Variants in CHSY3 observed in about 807,000 individuals in gnomAD.
CHSY3 encodes the protein N-acetylgalactosaminyl-proteoglycan 3-beta-glucuronosyltransferase 3.
Under a neutral mutation model 67.2 loss-of-function variants are expected in CHSY3, and 35 were observed. The ratio of observed to expected loss-of-function variants is 0.52; its 90% CI spans 0.40 to 0.69. CHSY3 has a LOEUF of 0.69. Ranked by LOEUF, CHSY3 falls within the 30% of genes least tolerant of loss-of-function variation. CHSY3 has a pLI of 0.00. For missense variants in CHSY3, 1,069 were observed against 1,138.5 expected, an observed-to-expected ratio of 0.94 and a Z score of 0.88; for synonymous variants, 474 against 434.7, an observed-to-expected ratio of 1.09 and a Z score of -1.12.
At chr5:130,177,939 T>G (rs1319670220) in intron 2 of CHSY3, among the ~76,000 whole-genome samples, 1 of 151,854 alleles carries the variant, frequency 6.6e-6, no homozygotes, top group Non-Finnish European at 1.5e-5. Flanking sequence ...TCCCACAAAT[T>G]TTCTTTTTTT....
intron 2 of CHSY3, among the ~76,000 whole-genome samples, chr5:130,065,854 A>T (rs1461507318): frequency 6.6e-6 from 1 of 152,112 alleles, no homozygotes; most frequent in Non-Finnish European, 1.5e-5. Flanking sequence ...TGGTTCACAC[A>T]GTCTCCTCCC....
intron 2 of CHSY3, among the ~76,000 whole-genome samples, chr5:130,076,443 A>G (rs1018455141): frequency 3.3e-5 from 5 of 151,960 alleles, no homozygotes; most frequent in Admixed American, 2.0e-4. Flanking sequence ...GGCCATAAAG[A>G]AAAGAAACCT....
At chr5:129,944,590 T>G (rs1462079672) in intron 2 of CHSY3, among the ~76,000 whole-genome samples, 3 of 152,018 alleles carry the variant, frequency 2.0e-5, no homozygotes, top group African/African-American at 7.3e-5. Flanking sequence ...ACCTCGGCCT[T>G]CCAAAGTGCT....
intron 2 of CHSY3, among the ~76,000 whole-genome samples, chr5:130,098,831 G>T (rs1437562123): frequency 6.6e-6 from 1 of 152,164 alleles, no homozygotes; most frequent in Non-Finnish European, 1.5e-5. Flanking sequence ...ATTAATATTA[G>T]AAAGTATCCA....
chr5:130,065,769 A>C (rs141376811), intron 2 of CHSY3, among the ~76,000 whole-genome samples: 215 of 152,244 alleles, frequency 1.4e-3, no homozygotes, highest in African/African-American at 5.0e-3. Flanking sequence ...TTATTGTCTG[A>C]CATCATTGTT....
At chr5:130,011,955 T>A (rs1014423535) in intron 2 of CHSY3, among the ~76,000 whole-genome samples, 1 of 151,876 alleles carries the variant, frequency 6.6e-6, no homozygotes, top group Non-Finnish European at 1.5e-5. Flanking sequence ...TCCAAAGAAA[T>A]CAGAAATGAC....
chr5:129,953,728 C>G (rs1344925360), intron 2 of CHSY3, among the ~76,000 whole-genome samples: 2 of 152,054 alleles, frequency 1.3e-5, no homozygotes, highest in Non-Finnish European at 2.9e-5. Context: ...CTCTAATGAC[C>G]AGTGATGATG....
rs147982247 is a variant in CHSY3, at chr5:130,124,090, G to A, written c.1087-60139G>A. On this transcript the variant is annotated intron_variant, in intron 2 of 2. Coordinates refer to ENST00000305031, the MANE Select transcript of CHSY3 (RefSeq NM_175856.5). ...GAAGTAAACAGTTCTAAGAGCAATG[G>A]AGGAAAAAGCATAAAATTGACTATA... Among the ~76,000 whole-genome samples the A allele has an allele frequency of 4.9e-3, 741 of 150,852 alleles. 8 individuals are homozygous for A. The highest frequency in any genetic ancestry group is 0.017 in the Middle Eastern group (5 of 294).
intron 2 of CHSY3, among the ~76,000 whole-genome samples, chr5:129,958,262 AT>A (rs1472942921): frequency 2.0e-5 from 3 of 151,992 alleles, no homozygotes; most frequent in Non-Finnish European, 4.4e-5. Context: ...TTCATCTCAT[AT>A]TTGAGTGAAA....
chr5:130,111,574 A>T (rs1767592692), intron 2 of CHSY3, among the ~76,000 whole-genome samples: 1 of 152,104 alleles, frequency 6.6e-6, no homozygotes, highest in Admixed American at 6.6e-5. Context: ...CATACTGCTT[A>T]TTTATAGGTT....
intron 2 of CHSY3, among the ~76,000 whole-genome samples, chr5:130,069,429 C>A (rs1765989780): frequency 6.6e-6 from 1 of 151,902 alleles, no homozygotes; most frequent in African/African-American, 2.4e-5. Context: ...GGTGGAGGAT[C>A]ACTTGAGCCC....
At chr5:130,133,786 AAAAAAAAAAG>A (rs1768564685) in intron 2 of CHSY3, among the ~76,000 whole-genome samples, 1 of 128,252 alleles carries the variant, frequency 7.8e-6, no homozygotes, top group African/African-American at 2.7e-5. Flanking sequence ...AAAAAAAAAA[AAAAAAAAAAG>A]AAAAAAAAAA....
At chr5:130,125,587 G>A (rs1455843249) in intron 2 of CHSY3, among the ~76,000 whole-genome samples, 10 of 152,150 alleles carry the variant, frequency 6.6e-5, no homozygotes, top group Non-Finnish European at 1.3e-4. Flanking sequence ...TCAGCATAGA[G>A]ATAATGATGA....
intron 2 of CHSY3, among the ~76,000 whole-genome samples, chr5:130,074,930 G>A (rs1766202825): frequency 6.6e-6 from 1 of 152,044 alleles, no homozygotes; most frequent in Non-Finnish European, 1.5e-5. Flanking sequence ...CATGACTTCA[G>A]ACAAGTTACC....
At chr5:129,980,399 GCTAT>G (rs550534093) in intron 2 of CHSY3, among the ~76,000 whole-genome samples, 45 of 152,188 alleles carry the variant, frequency 3.0e-4, no homozygotes, top group African/African-American at 9.9e-4. Context: ...ATGCTTATTT[GCTAT>G]CTATCTATCT....
Position 130,182,877 on chromosome 5 carries a change from T to C in CHSY3, c.1087-1352T>C, listed in dbSNP as rs542821242. On this transcript the variant is annotated intron_variant, in intron 2 of 2. Coordinates refer to ENST00000305031, the MANE Select transcript of CHSY3 (RefSeq NM_175856.5). Reference sequence around the variant, plus strand: ...AATATGTCTATCAATGATTTTATTTTTTTCTCCCTTTTTTCCTTAGCCCTG... The same window carrying C: ...AATATGTCTATCAATGATTTTATTTCTTTCTCCCTTTTTTCCTTAGCCCTG... 2.6e-5 allele frequency among the ~76,000 whole-genome samples: 4 copies of C among 152,222 alleles called. No homozygotes were observed. In the South Asian group the frequency reaches 8.3e-4, roughly 32 times the overall value.
intron 2 of CHSY3, among the ~76,000 whole-genome samples, chr5:130,084,343 T>C (rs2149688244): frequency 6.6e-6 from 1 of 152,106 alleles, no homozygotes; most frequent in Non-Finnish European, 1.5e-5. Context: ...AAATCATAAA[T>C]ATTTAAGGTG....
intron 2 of CHSY3, among the ~76,000 whole-genome samples, chr5:130,084,040 G>A (rs140476799): frequency 3.4e-4 from 51 of 151,498 alleles, no homozygotes; most frequent in Non-Finnish European, 6.2e-4. Context: ...ATAACTAATC[G>A]TGTTAAACCA....
At chr5:129,943,652 AGG>A (rs987394071) in intron 2 of CHSY3, among the ~76,000 whole-genome samples, 101 of 152,334 alleles carry the variant, frequency 6.6e-4, no homozygotes, top group African/African-American at 2.4e-3. Context: ...AATTTCATGA[AGG>A]GTAGATTAGG....
Sources: gnomAD v4.1 joint callset for allele counts (sites outside exome capture counted in the v4.1 genomes callset) on GRCh38, gnomAD v4.1.1 for gene constraint, MANE v1.5 for transcripts, NCBI Gene and HGNC (gene_info 2026-07-23, HGNC 2026-07-21) for gene names.